Variants in DMD observed in about 807,000 individuals in gnomAD.
The protein encoded by DMD is dystrophin.
Under a neutral mutation model 330.1 loss-of-function variants are expected in DMD, and 63 were observed. That is an observed-to-expected ratio of 0.19 (90% CI 0.16 to 0.24). The LOEUF (loss-of-function observed/expected upper bound fraction) is 0.24. Among genes scored for constraint, DMD ranks in the 10% least tolerant of loss-of-function variants. DMD has a pLI of 1.00. For missense variants in DMD, 3,344 were observed against 2,684.1 expected, an observed-to-expected ratio of 1.25 and a Z score of -5.43; for synonymous variants, 1,223 against 959.8, an observed-to-expected ratio of 1.27 and a Z score of -5.07.
chrX:31,789,671 A>C (rs1259052690), intron 50 of DMD, among the ~76,000 whole-genome samples: 1 of 111,619 alleles, frequency 9.0e-6, no homozygotes, highest in African/African-American at 3.2e-5. Flanking sequence ...AGATATCTAG[A>C]TAAGAACTAA....
intron 77 of DMD, among the ~76,000 whole-genome samples, chrX:31,130,453 T>C (rs776279284): frequency 1.1e-4 from 12 of 111,979 alleles, no homozygotes; most frequent in Admixed American, 2.8e-4. Context: ...AGTGTTCAAA[T>C]ATACACTGAG....
chrX:32,736,756 G>C (rs763970288), intron 7 of DMD, among the ~76,000 whole-genome samples: 4 of 97,146 alleles, frequency 4.1e-5, no homozygotes, highest in East Asian at 6.8e-4. Context: ...CCACACTCTG[G>C]GGACTGTGGT....
At chrX:32,374,166 G>C (rs907128477) in intron 34 of DMD, among the ~76,000 whole-genome samples, 7 of 110,357 alleles carry the variant, frequency 6.3e-5, no homozygotes, top group African/African-American at 2.0e-4. Flanking sequence ...TTAATTTCTT[G>C]TTGACAAGTT....
At chrX:31,183,971 G>A (rs1027475602) in intron 67 of DMD, among the ~76,000 whole-genome samples, 4 of 108,480 alleles carry the variant, frequency 3.7e-5, no homozygotes, top group African/African-American at 1.0e-4. Context: ...GTGCAGTGGC[G>A]TGATCTCGGC....
intron 2 of DMD, among the ~76,000 whole-genome samples, chrX:32,862,626 A>G (rs1446681775): frequency 8.9e-6 from 1 of 111,973 alleles, no homozygotes. Context: ...TTATATTTTT[A>G]TGTATTAATG....
chrX:33,033,461 G>A (rs980003908), intron 1 of DMD, among the ~76,000 whole-genome samples: 9 of 107,427 alleles, frequency 8.4e-5, no homozygotes, highest in East Asian at 2.9e-4. Context: ...CTGTAATCCC[G>A]GCACTTTGGG....
At chrX:32,397,322 C>T (rs2098052173) in intron 30 of DMD, among the ~76,000 whole-genome samples, 1 of 111,430 alleles carries the variant, frequency 9.0e-6, no homozygotes, top group Non-Finnish European at 1.9e-5. Flanking sequence ...ATCAGCCTGG[C>T]TTCGTATAAA....
chrX:31,726,126 T>C (rs1351549907), intron 52 of DMD, among the ~76,000 whole-genome samples: 1 of 112,348 alleles, frequency 8.9e-6, no homozygotes, highest in Non-Finnish European at 1.9e-5. Context: ...TTTGATCTGA[T>C]TTAGACAAAA....
At chrX:32,963,365 C>G (rs2091980482) in intron 2 of DMD, among the ~76,000 whole-genome samples, 1 of 111,866 alleles carries the variant, frequency 8.9e-6, no homozygotes, top group Non-Finnish European at 1.9e-5. Flanking sequence ...GTTGAGGTTG[C>G]ATACTAAGGT....
chrX:32,787,243 T>A (rs866878176), intron 7 of DMD, among the ~76,000 whole-genome samples: 87 of 93,572 alleles, frequency 9.3e-4, no homozygotes, highest in South Asian at 3.5e-3. Flanking sequence ...TGTGTGTGTG[T>A]GTGTGAGAGA....
intron 34 of DMD, 24 bp from the exon 35 acceptor site, chrX:32,365,223 T>C (rs756063214): frequency 1.7e-6 from 2 of 1,198,031 alleles, no homozygotes; most frequent in African/African-American, 3.5e-5. Context: ...AGCATTGACC[T>C]TCAAGTAATG....
chrX:31,541,762 A>G (rs1487159639), intron 55 of DMD, among the ~76,000 whole-genome samples: 1 of 110,484 alleles, frequency 9.1e-6, no homozygotes, highest in Non-Finnish European at 1.9e-5. Flanking sequence ...GTTGGTTCCA[A>G]GTCTTTGCTA....
intron 60 of DMD, among the ~76,000 whole-genome samples, chrX:31,434,436 A>G (rs866799497): frequency 0.11 from 9,744 of 90,965 alleles, 689 homozygotes; most frequent in East Asian, 0.28. Context: ...ACACACACAC[A>G]CACACACACA....
At chrX:32,276,442 G>A (rs1407813369) in intron 43 of DMD, among the ~76,000 whole-genome samples, 2 of 112,305 alleles carry the variant, frequency 1.8e-5, no homozygotes, top group Non-Finnish European at 3.8e-5. Context: ...ACCTCAAGCA[G>A]TGCAGCCCAC....
At chrX:31,661,032 A>G (rs1162766733) in intron 53 of DMD, among the ~76,000 whole-genome samples, 2 of 112,308 alleles carry the variant, frequency 1.8e-5, no homozygotes, top group African/African-American at 6.5e-5. Flanking sequence ...AAATCTCTGA[A>G]AGAAATAGTA....
intron 52 of DMD, among the ~76,000 whole-genome samples, chrX:31,688,524 G>A (rs969698196): frequency 5.4e-5 from 6 of 111,448 alleles, no homozygotes; most frequent in Non-Finnish European, 5.7e-5. Context: ...ATTCACAGCC[G>A]AATTCTACCA....
At chrX:32,466,280 A>C (rs760748027) in intron 23 of DMD, among the ~76,000 whole-genome samples, 1 of 108,319 alleles carries the variant, frequency 9.2e-6, no homozygotes, top group Non-Finnish European at 1.9e-5. Context: ...TTTCTCAAGA[A>C]CTCTTTCTTT....
intron 1 of DMD, among the ~76,000 whole-genome samples, chrX:33,097,777 G>A (rs1270744549): frequency 2.8e-5 from 3 of 108,378 alleles, no homozygotes; most frequent in Admixed American, 1.0e-4. Flanking sequence ...CACCACGCCC[G>A]GCTAATTTTT....
chrX:32,102,862 A>T (rs1046761377), intron 44 of DMD, among the ~76,000 whole-genome samples: 5 of 112,105 alleles, frequency 4.5e-5, no homozygotes, highest in African/African-American at 1.6e-4. Flanking sequence ...TTTTGATCAG[A>T]GATGCAAATG....
Sources: allele counts gnomAD v4.1 joint callset (sites outside exome capture counted in the v4.1 genomes callset), GRCh38; gene constraint gnomAD v4.1.1; transcripts MANE v1.5; gene names NCBI Gene and HGNC (gene_info 2026-07-23, HGNC 2026-07-21).